NOL4L: variants seen among roughly 807,000 people sequenced by gnomAD.
The protein encoded by NOL4L is nucleolar protein 4-like.
In NOL4L, 7 loss-of-function variants were observed where a neutral mutation model predicts 64.5. That is an observed-to-expected ratio of 0.11 (90% CI 0.06 to 0.20). The LOEUF is 0.20. Ranked by LOEUF, NOL4L falls within the 10% of genes least tolerant of loss-of-function variation. The pLI is 1.00. For synonymous variants in NOL4L, 413 were observed against 401.0 expected, an observed-to-expected ratio of 1.03 and a Z score of -0.36; for missense variants, 680 against 967.1, an observed-to-expected ratio of 0.70 and a Z score of 3.94.
chr20:32,561,512 A>G (rs1255529946), intron 1 of NOL4L, among the ~76,000 whole-genome samples: 1 of 152,184 alleles, frequency 6.6e-6, no homozygotes, highest in African/African-American at 2.4e-5. Context: ...TGGGGGGCCC[A>G]GAGCAGGGGA....
intron 4 of NOL4L, among the ~76,000 whole-genome samples, chr20:32,497,440 C>T (rs1301202572): frequency 2.0e-5 from 3 of 152,144 alleles, no homozygotes; most frequent in Admixed American, 1.3e-4. Context: ...AAGTAGAAGG[C>T]TTGACAAAGC....
At position 32,456,214 on chromosome 20, in the gene NOL4L, C is replaced by T. The variant is rs771022090; in HGVS notation, c.1023G>A (p.Pro341=). 91 of 1,608,794 alleles carry T rather than the reference C, an allele frequency of 5.7e-5. No individual in the cohort carries two copies. In the Middle Eastern group the frequency reaches 6.6e-4, roughly 12 times the overall value. The change falls in exon 6 of 11, where the codon CCG becomes CCA. Residue 341 remains proline (P), a synonymous_variant. Coordinates refer to ENST00000621426, the MANE Select transcript of NOL4L (RefSeq NM_001256798.2). ...QPINLCDKLP[P]ATALGTASYP... ...AGGAGGCTGTGCCAAGTGCCGTGGC[C>T]GGCGGGAGCTTGTCACACAGGTTGA...
At chr20:32,568,592 T>C (rs1285023420) in intron 1 of NOL4L, among the ~76,000 whole-genome samples, 1 of 152,228 alleles carries the variant, frequency 6.6e-6, no homozygotes, top group Non-Finnish European at 1.5e-5. Context: ...GAGATCTGGC[T>C]TTCTGGGGCC....
intron 1 of NOL4L, among the ~76,000 whole-genome samples, chr20:32,572,026 C>T (rs1265619370): frequency 6.6e-6 from 1 of 152,230 alleles, no homozygotes; most frequent in Non-Finnish European, 1.5e-5. Flanking sequence ...CAGGCAGATT[C>T]ACACCCAACT....
chr20:32,534,729 A>C (rs1324960320), intron 1 of NOL4L, among the ~76,000 whole-genome samples: 2 of 151,552 alleles, frequency 1.3e-5, no homozygotes, highest in Non-Finnish European at 2.9e-5. Flanking sequence ...AAATGCAAAA[A>C]ACCTAGCTGG....
chr20:32,483,230 C>T (rs1007412840), intron 4 of NOL4L: 2 of 444,858 alleles, frequency 4.5e-6, no homozygotes, highest in African/African-American at 4.3e-5. Context: ...GCGCCCCCCT[C>T]CCCAGAACCG....
chr20:32,537,760 C>T (rs573299826), intron 1 of NOL4L, among the ~76,000 whole-genome samples: 2 of 150,980 alleles, frequency 1.3e-5, no homozygotes, highest in South Asian at 4.2e-4. Context: ...GGCCTAAAGC[C>T]ACTGCCACAA....
chr20:32,477,258 C>A (rs575379292), intron 4 of NOL4L, among the ~76,000 whole-genome samples: 2 of 152,240 alleles, frequency 1.3e-5, no homozygotes, highest in Non-Finnish European at 2.9e-5. Flanking sequence ...GTACAGTTGA[C>A]AGCCCCGCTC....
At chr20:32,574,445 G>A (rs1979958951) in intron 1 of NOL4L, among the ~76,000 whole-genome samples, 1 of 152,190 alleles carries the variant, frequency 6.6e-6, no homozygotes, top group Non-Finnish European at 1.5e-5. Flanking sequence ...GTAGAATGGG[G>A]TCATAACACA....
intron 4 of NOL4L, among the ~76,000 whole-genome samples, chr20:32,482,641 C>G (rs1220275516): frequency 1.3e-5 from 2 of 149,190 alleles, no homozygotes; most frequent in Non-Finnish European, 3.0e-5. Context: ...AAGGAAGGCC[C>G]CTTCGCCAGG....
chr20:32,544,163 A>T (rs939859933), intron 1 of NOL4L, among the ~76,000 whole-genome samples: 2 of 152,084 alleles, frequency 1.3e-5, no homozygotes, highest in African/African-American at 4.8e-5. Context: ...TGCTCGTGGA[A>T]AATGGGCTAT....
In NOL4L at chr20:32,463,861, TCGGAGAACGGGAAGG is replaced by T. The variant is rs1415028043; in HGVS notation, c.842-7481_842-7467del. Among the ~76,000 whole-genome samples, 4 of 152,102 alleles carry T rather than the reference TCGGAGAACGGGAAGG, an allele frequency of 2.6e-5. No homozygotes were observed. The highest frequency in any genetic ancestry group is 9.6e-5 in the African/African-American group (4 of 41,480). On this transcript the variant is annotated intron_variant, in intron 5 of 10. Transcript: ENST00000621426. This position sits in a 1 kb window ranked among gnomAD's most constrained non-coding sequence, Gnocchi z 5.8. ...ACTCCCACCAGCTCCCAGGCTAGGCTCGGAGAACGGGAAGGCCCACCATCCCTGGGACCACAGGCC... is the reference window on the plus strand; with the variant it reads ...ACTCCCACCAGCTCCCAGGCTAGGCTCCCACCATCCCTGGGACCACAGGCC...
intron 4 of NOL4L, among the ~76,000 whole-genome samples, chr20:32,501,848 A>T (rs1040889279): frequency 6.6e-6 from 1 of 152,214 alleles, no homozygotes; most frequent in Admixed American, 6.5e-5. Context: ...ATCAAAAGAG[A>T]GAGAGCTACG....
rs1481959674 is a variant in NOL4L at position 32,453,647 on chromosome 20, C to G, written c.1234G>C (p.Asp412His). Residue 412 changes from aspartate to histidine, a missense_variant, in exon 7 of 11, where the codon GAT becomes CAT. Asp to His is a moderately conservative substitution (Grantham distance 81, BLOSUM62 -1). Transcript: ENST00000621426. The surrounding 1 kb of genome is among the most constrained non-coding windows in gnomAD (Gnocchi z 5.6). ...PTADDDDDDH[D>H]DHEDNDKMND... ...ATCTTGTCATTGTCCTCATGGTCAT[C>G]GTGGTCATCGTCGTCATCATCTGCC... 6.2e-7 allele frequency: 1 copy of G among 1,600,630 alleles called. No homozygotes were observed. The highest frequency in any genetic ancestry group is 8.5e-7 in the Non-Finnish European group (1 of 1,173,638).
chr20:32,543,769 G>A (rs2018694103), intron 1 of NOL4L, among the ~76,000 whole-genome samples: 1 of 152,120 alleles, frequency 6.6e-6, no homozygotes, highest in Middle Eastern at 3.4e-3. Context: ...CAGCCTGGAT[G>A]ACAGAGGGAG....
intron 1 of NOL4L, among the ~76,000 whole-genome samples, chr20:32,544,173 T>G (rs557263461): frequency 1.3e-5 from 2 of 151,906 alleles, no homozygotes; most frequent in East Asian, 3.9e-4. Flanking sequence ...AAATGGGCTA[T>G]GGAGAAGAAG....
At chr20:32,454,087 G>A in intron 6 of NOL4L, 1 of 305,216 alleles carries the variant, frequency 3.3e-6, no homozygotes, top group South Asian at 5.8e-5. Context: ...ACCAGGACCT[G>A]CCACGTGTAC....
intron 2 of NOL4L, among the ~76,000 whole-genome samples, chr20:32,523,856 A>G (rs1364448541): frequency 6.6e-6 from 1 of 152,178 alleles, no homozygotes; most frequent in Non-Finnish European, 1.5e-5. Context: ...AGCAGGAGCT[A>G]TTTGCAGAGT....
At chr20:32,527,970 G>A (rs2018195927) in intron 1 of NOL4L, 57 bp from the exon 2 acceptor site, 5 of 1,512,002 alleles carry the variant, frequency 3.3e-6, no homozygotes, top group Non-Finnish European at 4.5e-6. Context: ...GGTGAGAACT[G>A]GGCCCTGAGG....
Sources: gnomAD v4.1 joint callset for allele counts (sites outside exome capture counted in the v4.1 genomes callset) on GRCh38, gnomAD v4.1.1 for gene constraint, Gnocchi (gnomAD v3.1) non-coding constraint, MANE v1.5 for transcripts, NCBI Gene and HGNC (gene_info 2026-07-23, HGNC 2026-07-21) for gene names.